Variants in AP3B1 observed in about 807,000 individuals in gnomAD.
AP3B1 encodes AP-3 complex subunit beta-1.
Under a neutral mutation model 132.5 loss-of-function variants are expected in AP3B1, and 61 were observed. That is an observed-to-expected ratio of 0.46 (90% confidence interval 0.37 to 0.57). The LOEUF is 0.57. Ranked by LOEUF, AP3B1 falls within the 20% of genes least tolerant of loss-of-function variation. The probability of loss-of-function intolerance (pLI) is 0.00; values close to 1 mark genes in which losing one functional copy is unlikely to be tolerated. For synonymous variants in AP3B1, 388 were observed against 438.3 expected (o/e 0.89, Z 1.43); for missense variants, 1,120 against 1,289.4 (o/e 0.87, Z 2.01).
intron 7 of AP3B1, among the ~76,000 whole-genome samples, chr5:78,186,619 A>AAAATTT (rs1744618586): frequency 1.3e-5 from 2 of 152,218 alleles, no homozygotes; most frequent in African/African-American, 4.8e-5. Flanking sequence ...GATCTCTCTC[A>AAAATTT]ATTATTTCTT....
chr5:78,272,492 T>A (rs1369394251), intron 1 of AP3B1, among the ~76,000 whole-genome samples: 1 of 152,198 alleles, frequency 6.6e-6, no homozygotes, highest in African/African-American at 2.4e-5. Context: ...GAAGCTCTAT[T>A]CTCATCTGGT....
At chr5:78,191,541 T>C (rs987344752) in intron 7 of AP3B1, among the ~76,000 whole-genome samples, 4 of 152,044 alleles carry the variant, frequency 2.6e-5, no homozygotes, top group African/African-American at 9.7e-5. Context: ...AATCTATGTC[T>C]TGGGGAGTAA....
intron 12 of AP3B1, among the ~76,000 whole-genome samples, chr5:78,164,843 A>G (rs1384527916): frequency 6.6e-6 from 1 of 152,154 alleles, no homozygotes; most frequent in African/African-American, 2.4e-5. Flanking sequence ...ATATTGGCAT[A>G]TAGGAGAACT....
At chr5:78,225,835 A>G (rs554908078) in intron 5 of AP3B1, among the ~76,000 whole-genome samples, 1 of 151,892 alleles carries the variant, frequency 6.6e-6, no homozygotes, top group South Asian at 2.1e-4. Flanking sequence ...TCAATGGTTT[A>G]GTTAAGATAG....
intron 22 of AP3B1, among the ~76,000 whole-genome samples, chr5:78,041,618 T>G (rs900422755): frequency 2.6e-5 from 4 of 151,790 alleles, no homozygotes; most frequent in African/African-American, 9.7e-5. Flanking sequence ...AGTTTATTTG[T>G]AAAATATAAT....
chr5:78,003,221 T>G, intron 26 of AP3B1, 166 bp from the exon 27 acceptor site: 2 of 817,968 alleles, frequency 2.4e-6, no homozygotes, highest in South Asian at 3.6e-5. Flanking sequence ...GAAAAATCAA[T>G]AAACTGTCCA....
intron 7 of AP3B1, among the ~76,000 whole-genome samples, chr5:78,209,138 A>G (rs538680124): frequency 1.9e-4 from 29 of 151,950 alleles, no homozygotes; most frequent in Non-Finnish European, 3.5e-4. Flanking sequence ...TTACCCCACA[A>G]CCACCTGAAG....
intron 22 of AP3B1, among the ~76,000 whole-genome samples, chr5:78,060,903 T>C (rs1458346207): frequency 2.0e-5 from 3 of 152,178 alleles, no homozygotes; most frequent in Admixed American, 1.3e-4. Context: ...TCCACGATTC[T>C]ACCCAAATTT....
intron 17 of AP3B1, among the ~76,000 whole-genome samples, chr5:78,122,980 T>C (rs898698557): frequency 1.7e-4 from 26 of 152,322 alleles, no homozygotes; most frequent in South Asian, 8.3e-4. Context: ...AACAGCATGG[T>C]ACTGGTACCA....
At chr5:78,260,670 G>A (rs899243026) in intron 2 of AP3B1, among the ~76,000 whole-genome samples, 1 of 151,844 alleles carries the variant, frequency 6.6e-6, no homozygotes, top group Non-Finnish European at 1.5e-5. Flanking sequence ...CATAATGAGT[G>A]GGACAGCGCT....
At chr5:78,137,289 G>C (rs1752961775) in intron 15 of AP3B1, among the ~76,000 whole-genome samples, 2 of 152,098 alleles carry the variant, frequency 1.3e-5, no homozygotes, top group Admixed American at 6.6e-5. Flanking sequence ...ATTTCAGCTT[G>C]GTTCTTTAAT....
intron 14 of AP3B1, among the ~76,000 whole-genome samples, chr5:78,145,044 C>T (rs1753326669): frequency 6.6e-6 from 1 of 152,122 alleles, no homozygotes; most frequent in Admixed American, 6.6e-5. Context: ...CAGTATTTAT[C>T]ATAAATGAAG....
intron 11 of AP3B1, among the ~76,000 whole-genome samples, chr5:78,173,073 G>A (rs1743991746): frequency 6.6e-6 from 1 of 152,210 alleles, no homozygotes. Flanking sequence ...GTGCAGTTTT[G>A]AGTGAGTTTC....
At chr5:78,214,173 A>G (rs1388204694) in intron 7 of AP3B1, among the ~76,000 whole-genome samples, 1 of 152,228 alleles carries the variant, frequency 6.6e-6, no homozygotes, top group African/African-American at 2.4e-5. Context: ...CCAGTATGCC[A>G]GGGACAATGA....
chr5:78,177,518 T>G, intron 8 of AP3B1, 82 bp from the exon 9 acceptor site: 1 of 995,798 alleles, frequency 1.0e-6, no homozygotes. Flanking sequence ...ACACATTATT[T>G]CCTCTAAGTC....
chr5:78,211,476 T>C (rs977853323), intron 7 of AP3B1, among the ~76,000 whole-genome samples: 1 of 152,354 alleles, frequency 6.6e-6, no homozygotes, highest in African/African-American at 2.4e-5. Flanking sequence ...GAAGCTTGTT[T>C]GTATATGATG....
chr5:78,150,545 A>C (rs1753598243), intron 14 of AP3B1, among the ~76,000 whole-genome samples: 3 of 134,358 alleles, frequency 2.2e-5, no homozygotes, highest in African/African-American at 8.2e-5. Flanking sequence ...AAAGGGAAGA[A>C]GAGCATGAAG....
intron 15 of AP3B1, among the ~76,000 whole-genome samples, chr5:78,139,980 T>C (rs1753076627): frequency 6.6e-6 from 1 of 151,048 alleles, no homozygotes; most frequent in Admixed American, 6.6e-5. Context: ...AAAGTAAGAG[T>C]CAGAGGAAAA....
chr5:78,196,681 G>A lies in AP3B1; in HGVS notation c.787-15019C>T, dbSNP rs140042931. Among the ~76,000 whole-genome samples the A allele has an allele frequency of 2.4e-3, 364 of 152,308 alleles. 9 individuals are homozygous for A. The highest frequency in any genetic ancestry group is 7.1e-4 in the Non-Finnish European group (48 of 68,018). The stretch of plus-strand genomic sequence containing the variant: ...TATCCAGACAAAGGACTAGTATTCA[G>A]TGCTAAAAATAAATGAGCTAACAAG... On this transcript the variant is annotated intron_variant, in intron 7 of 26. Coordinates refer to ENST00000255194, the MANE Select transcript of AP3B1 (RefSeq NM_003664.5).
Sources: gnomAD v4.1 joint callset for allele counts (sites outside exome capture counted in the v4.1 genomes callset) on GRCh38, gnomAD v4.1.1 for gene constraint, MANE v1.5 for transcripts, NCBI Gene and HGNC (gene_info 2026-07-23, HGNC 2026-07-21) for gene names.